NCKAP5: variants seen among roughly 807,000 people sequenced by gnomAD.
The protein encoded by NCKAP5 is NCK associated protein 5.
NCKAP5 carries 92 observed loss-of-function variants against 167.0 expected under a neutral mutation model. The observed-to-expected ratio is 0.55, with a 90% confidence interval of 0.47 to 0.66. The LOEUF (loss-of-function observed/expected upper bound fraction) is 0.66. NCKAP5 is among the 30% of genes least tolerant of loss of function. The pLI is 0.00. For synonymous variants in NCKAP5, 891 were observed against 877.4 expected, an observed-to-expected ratio of 1.02 and a Z score of -0.27; for missense variants, 2,378 against 2,315.0, an observed-to-expected ratio of 1.03 and a Z score of -0.56.
chr2:133,263,260 G>T (rs566469856), intron 4 of NCKAP5, among the ~76,000 whole-genome samples: 1 of 150,230 alleles, frequency 6.7e-6, no homozygotes, highest in Non-Finnish European at 1.5e-5. Context: ...AGAGTCACAG[G>T]CTTGAGTAAA....
At chr2:133,090,069 A>G (rs990785150) in intron 6 of NCKAP5, among the ~76,000 whole-genome samples, 11 of 152,054 alleles carry the variant, frequency 7.2e-5, no homozygotes, top group Non-Finnish European at 1.3e-4. Context: ...GACCCCTGAA[A>G]AACATATCTA....
chr2:132,959,095 T>C lies in NCKAP5; in HGVS notation c.579+4625A>G, dbSNP rs2076431594. Among the ~76,000 whole-genome samples, 2 of 147,380 alleles carry C rather than the reference T, an allele frequency of 1.4e-5. 1 individual carries two copies. The highest frequency in any genetic ancestry group is 4.2e-4 in the South Asian group (2 of 4,794). On this transcript the variant is annotated intron_variant, in intron 8 of 19. Coordinates refer to ENST00000409261, the MANE Select transcript of NCKAP5 (RefSeq NM_207363.3). The stretch of plus-strand genomic sequence containing the variant: ...AATAATATATTAATAAATATATTAT[T>C]AATATATTTAATATTAATATATATC...
intron 12 of NCKAP5, among the ~76,000 whole-genome samples, chr2:132,793,016 G>GT (rs1190647487): frequency 6.6e-6 from 1 of 152,038 alleles, no homozygotes; most frequent in Non-Finnish European, 1.5e-5. Flanking sequence ...GTTTTGTTTT[G>GT]TTTTTCAGAC....
At chr2:133,311,477 T>A (rs1357217738) in intron 3 of NCKAP5, among the ~76,000 whole-genome samples, 1 of 152,106 alleles carries the variant, frequency 6.6e-6, no homozygotes, top group Non-Finnish European at 1.5e-5. Context: ...ATGGAGGATG[T>A]ATTAGGTAGG....
chr2:133,247,904 T>C (rs1011243676), intron 4 of NCKAP5, among the ~76,000 whole-genome samples: 1 of 152,184 alleles, frequency 6.6e-6, no homozygotes, highest in South Asian at 2.1e-4. Context: ...GTGACTATAC[T>C]AGGAAAAGGG....
At chr2:132,907,937 G>T (rs929159122) in intron 8 of NCKAP5, among the ~76,000 whole-genome samples, 1 of 152,046 alleles carries the variant, frequency 6.6e-6, no homozygotes, top group Admixed American at 6.6e-5. Flanking sequence ...GATTACAGGC[G>T]TGAGCCACCA....
At chr2:133,185,840 C>T (rs2084924408) in intron 5 of NCKAP5, among the ~76,000 whole-genome samples, 1 of 152,046 alleles carries the variant, frequency 6.6e-6, no homozygotes, top group South Asian at 2.1e-4. Context: ...TGTAATTTAT[C>T]AGTTCTGGGA....
Position 132,789,737 on chromosome 2 carries a change from T to C in NCKAP5, c.1092+286A>G, listed in dbSNP as rs565624622. ...GAGTCATTCTAGTAGTAGTAATTAT[T>C]AAAAATCCTGGTAAAGGAAATCTTG... On this transcript the variant is annotated intron_variant, in intron 13 of 19. Transcript: ENST00000409261. 2.6e-5 allele frequency among the ~76,000 whole-genome samples: 4 copies of C among 152,330 alleles called. No homozygotes were observed. In the South Asian group the frequency reaches 8.3e-4, roughly 32 times the overall value.
At chr2:133,532,166 G>T (rs548799139) in intron 2 of NCKAP5, among the ~76,000 whole-genome samples, 3 of 152,316 alleles carry the variant, frequency 2.0e-5, no homozygotes, top group African/African-American at 7.2e-5. Context: ...ATGCTGATAA[G>T]AGAATTCTAG....
At chr2:133,574,473 C>T in the NCKAP5 span, among the ~76,000 whole-genome samples, 16 of 152,302 alleles carry the variant, frequency 1.1e-4, no homozygotes, top group African/African-American at 3.8e-4. Flanking sequence ...GCTGATTACT[C>T]AGCCAGCCCC....
chr2:132,901,999 C>T (rs929263447), intron 8 of NCKAP5, among the ~76,000 whole-genome samples: 2 of 152,170 alleles, frequency 1.3e-5, no homozygotes, highest in Admixed American at 6.5e-5. Context: ...TTTTGTGCTA[C>T]TAGTTTCACA....
chr2:133,636,018 A>T, the NCKAP5 span, among the ~76,000 whole-genome samples: 4 of 152,238 alleles, frequency 2.6e-5, no homozygotes, highest in African/African-American at 9.6e-5. Flanking sequence ...GAGCTTATGA[A>T]CAGTAGTGTG....
At chr2:133,052,524 C>T (rs2079640627) in intron 6 of NCKAP5, among the ~76,000 whole-genome samples, 1 of 152,016 alleles carries the variant, frequency 6.6e-6, no homozygotes, top group African/African-American at 2.4e-5. Flanking sequence ...TTGAGACCAG[C>T]CTGGCCAAAA....
chr2:132,914,206 A>G (rs1233146786), intron 8 of NCKAP5, among the ~76,000 whole-genome samples: 1 of 152,174 alleles, frequency 6.6e-6, no homozygotes, highest in Non-Finnish European at 1.5e-5. Context: ...TAGGAGGCTA[A>G]ATCATATTTG....
intron 11 of NCKAP5, among the ~76,000 whole-genome samples, chr2:132,805,377 T>C (rs929585221): frequency 2.6e-5 from 4 of 152,198 alleles, no homozygotes; most frequent in Non-Finnish European, 4.4e-5. Context: ...TGATTTGTTA[T>C]AGACAACTTA....
At chr2:133,071,511 C>A (rs565291342) in intron 6 of NCKAP5, among the ~76,000 whole-genome samples, 2 of 152,280 alleles carry the variant, frequency 1.3e-5, no homozygotes, top group South Asian at 2.1e-4. Flanking sequence ...TTGGTGGAAT[C>A]TCTATAGCAG....
chr2:133,573,717 G>C, the NCKAP5 span, among the ~76,000 whole-genome samples: 1 of 152,282 alleles, frequency 6.6e-6, no homozygotes, highest in South Asian at 2.1e-4. Context: ...CTGTGAGATT[G>C]ACATTTTTAA....
chr2:133,548,320 C>A (rs372132213), intron 2 of NCKAP5, among the ~76,000 whole-genome samples: 1 of 152,020 alleles, frequency 6.6e-6, no homozygotes, highest in East Asian at 1.9e-4. Context: ...TATTATCCAG[C>A]AGAACTTCCC....
intron 12 of NCKAP5, among the ~76,000 whole-genome samples, chr2:132,795,742 C>A (rs1234661897): frequency 2.0e-5 from 3 of 147,994 alleles, no homozygotes; most frequent in Non-Finnish European, 4.5e-5. Flanking sequence ...TCATTTGAAC[C>A]CAGGAGGTGG....
Sources: allele counts gnomAD v4.1 joint callset (sites outside exome capture counted in the v4.1 genomes callset), GRCh38; gene constraint gnomAD v4.1.1; transcripts MANE v1.5; gene names NCBI Gene and HGNC (gene_info 2026-07-23, HGNC 2026-07-21).